The following OR6A2 variants were observed in gnomAD, a reference collection of about 807,000 sequenced individuals.
The protein encoded by OR6A2 is olfactory receptor 6A2.
In OR6A2, 6 loss-of-function variants were observed where a neutral mutation model predicts 7.1. That is an observed-to-expected ratio of 0.85 (90% confidence interval 0.46 to 1.68). The LOEUF (loss-of-function observed/expected upper bound fraction) is 1.68. Ranked by LOEUF, OR6A2 falls within the 40% of genes most tolerant of loss-of-function variation. OR6A2 has a pLI of 0.01. For missense variants in OR6A2, 431 were observed against 398.0 expected (o/e 1.08, Z -0.71); for synonymous variants, 162 against 152.1 (o/e 1.06, Z -0.48).
Position 6,795,566 on chromosome 11 carries a change from A to G in OR6A2, c.143T>C (p.Met48Thr), listed in dbSNP as rs200133002. 6.8e-6 allele frequency: 11 copies of G among 1,614,120 alleles called. No homozygotes were observed. The highest frequency in any genetic ancestry group is 1.7e-5 in the Admixed American group (1 of 60,000). Residue 48 changes from methionine to threonine, a missense_variant, in exon 2 of 2, where the codon ATG (methionine) becomes ACG (threonine). Physicochemically the swap from Met to Thr is moderately conservative, Grantham distance 81. Coordinates refer to ENST00000641196, the MANE Select transcript of OR6A2 (RefSeq NM_003696.3). The part of the protein sequence containing the change: ...LVLTENTLII[M>T]AIRNHSTLHK... ...GAGGGTAGAATGGTTCCTAATTGCC[A>G]TAATGATGAGTGTGTTCTCAGTCAG... is the stretch of plus-strand genomic sequence containing the variant.
At chr11:6,798,542 G>C (rs1376974602) in intron 1 of OR6A2, among the ~76,000 whole-genome samples, 4 of 152,100 alleles carry the variant, frequency 2.6e-5, no homozygotes, top group African/African-American at 9.7e-5. Flanking sequence ...CTTGTTTTCA[G>C]AGTCATATTT....
In OR6A2 at chr11:6,793,172, A is replaced by T. The variant is rs1312193787; in HGVS notation, c.*1553T>A. On this transcript the variant is annotated 3_prime_UTR_variant, in exon 2 of 2. Coordinates refer to ENST00000641196, the MANE Select transcript of OR6A2 (RefSeq NM_003696.3). The stretch of plus-strand genomic sequence containing the variant: ...CGACAGTAGATTTTTGATGAACTTT[A>T]TATCCAGTCATTTAAAAAATTATTA... 4 of 152,196 alleles carry T rather than the reference A, an allele frequency of 2.6e-5. No homozygotes were observed. The East Asian group carries it at 7.7e-4, about 29-fold the overall frequency. 9.4% of individuals were successfully genotyped at this position (152,196 alleles called of 1,614,324 possible). A position where few individuals can be genotyped will look rare whatever the true frequency, so the allele number is the denominator to read the frequency against.
rs1400026538 is a variant in OR6A2, at chr11:6,794,730, C to T, written c.979G>A (p.Val327Ile). Residue 327 changes from valine (V) to isoleucine (I), a missense_variant, in exon 2 of 2, where the codon GTA becomes ATA. Transcript: ENST00000641196. The part of the protein sequence containing the change: ...DPDPKKASRN[V>I] ...TCAGATTTCACACATCCCTTCTATA[C>T]ATTTCTGCTAGCTTTCTTGGGGTCA... 2 of 1,613,494 alleles carry T rather than the reference C, an allele frequency of 1.2e-6. No homozygotes were observed. The highest frequency in any genetic ancestry group is 1.1e-5 in the South Asian group (1 of 91,022).
rs971894767 is a variant in OR6A2 at position 6,791,892 on chromosome 11, T to C, written c.*2833A>G. 6.6e-6 allele frequency: 1 copy of C among 152,234 alleles called. No homozygotes were observed. Among genetic ancestry groups the C allele is most frequent in the African/African-American group, 2.4e-5 (1 of 41,468 alleles). 9.4% of individuals were successfully genotyped at this position (152,234 alleles called of 1,614,324 possible). On this transcript the variant is annotated 3_prime_UTR_variant, in exon 2 of 2. Coordinates refer to ENST00000641196, the MANE Select transcript of OR6A2 (RefSeq NM_003696.3). ...TATATTCATCCTTCATTAGCATACA[T>C]ACTTGTCAAAATAAGAAACCAAAAT...
rs1348738668 is a variant in OR6A2 at position 6,795,208 on chromosome 11, A to G, written c.501T>C (p.Leu167=). The G allele has an allele frequency of 6.2e-6, 10 of 1,614,048 alleles. No homozygotes were observed. The highest frequency in any genetic ancestry group is 8.5e-6 in the Non-Finnish European group (10 of 1,180,024). ...GGCCACAGTAAGAGAGGCCAGAAAT[A>G]AGAAAAACTTTGACCATGGAGATGC... ...GFGISMVKVF[L]ISGLSYCGPN... is the part of the protein sequence containing the mutation. Residue 167 remains leucine (L), a synonymous_variant, in exon 2 of 2, where the codon CTT becomes CTC. Transcript: ENST00000641196.
rs182736602 is a variant in OR6A2 at position 6,799,404 on chromosome 11, T to C, written c.-177+140A>G. On this transcript the variant is annotated intron_variant, in intron 1 of 1. Transcript: ENST00000641196. The stretch of plus-strand genomic sequence containing the variant: ...AGTCTAAGTATCAACAGAATTAATA[T>C]ATGTGGAAAATATTGAGAGGTTTGG... The C allele has an allele frequency of 4.6e-5, 7 of 152,250 alleles. No individual in the cohort carries two copies. In the East Asian group the frequency reaches 1.2e-3, roughly 25 times the overall value. The allele number at this position is 152,250 out of a possible 1,614,324, so 9.4% of individuals were successfully genotyped here. A position where few individuals can be genotyped will look rare whatever the true frequency, so the allele number is the denominator to read the frequency against.
At chr11:6,797,156 C>A (rs893505625) in intron 1 of OR6A2, among the ~76,000 whole-genome samples, 1 of 152,160 alleles carries the variant, frequency 6.6e-6, no homozygotes, top group African/African-American at 2.4e-5. Context: ...ATACCTATGA[C>A]CCTGGCTTTC....
chr11:6,798,800 C>A (rs1291977360), intron 1 of OR6A2, among the ~76,000 whole-genome samples: 2 of 152,076 alleles, frequency 1.3e-5, no homozygotes, highest in Non-Finnish European at 2.9e-5. Flanking sequence ...TAGTTATTAC[C>A]CCTCCAAAAT....
rs546817241 is a variant in OR6A2, at chr11:6,797,168, T to G, written c.-176-1284A>C. Among the ~76,000 whole-genome samples the G allele has an allele frequency of 6.6e-5, 10 of 152,306 alleles. No homozygotes were observed. The East Asian group carries it at 1.9e-3, about 29-fold the overall frequency. On this transcript the variant is annotated intron_variant, in intron 1 of 1. Transcript: ENST00000641196. ...AAAATACCTATGACCCTGGCTTTCA[T>G]TTCCCATCACTCCTATTCTTACCAT...
Position 6,795,331 on chromosome 11 carries a change from A to G in OR6A2, c.378T>C (p.Asp126=). ...GAGGATAGCAGATGGCCATATAGCG[A>G]TCATAGGCCATAACAGCGAGAAGGA... ...ECVLLAVMAY[D]RYMAICYPLH... Residue 126 remains aspartate, a synonymous_variant, in exon 2 of 2, where the codon GAT becomes GAC. Coordinates refer to ENST00000641196, the MANE Select transcript of OR6A2 (RefSeq NM_003696.3). The G allele has an allele frequency of 6.2e-7, 1 of 1,614,078 alleles. No individual in the cohort carries two copies. Among genetic ancestry groups the G allele is most frequent in the Non-Finnish European group, 8.5e-7 (1 of 1,180,016 alleles).
intron 1 of OR6A2, among the ~76,000 whole-genome samples, chr11:6,799,308 T>C (rs1475794548): frequency 1.3e-5 from 2 of 152,134 alleles, no homozygotes; most frequent in Non-Finnish European, 1.5e-5. Flanking sequence ...AAAAATACTG[T>C]AGGGAGAACA....
rs570052551 is a variant in OR6A2 at position 6,799,468 on chromosome 11, T to C, written c.-177+76A>G. 76 of 152,314 alleles carry C rather than the reference T, an allele frequency of 5.0e-4. 1 individual carries two copies. The highest frequency in any genetic ancestry group is 1.8e-3 in the African/African-American group (73 of 41,568). 9.4% of individuals were successfully genotyped at this position (152,314 alleles called of 1,614,324 possible). On this transcript the variant is annotated intron_variant, in intron 1 of 1. Transcript: ENST00000641196. ...ATAGAGAGGAATAAGAAGATGGCTA[T>C]ATTAGACATAAGTAAAGAAAACTTG... is the stretch of plus-strand genomic sequence containing the variant.
chr11:6,796,293 T>C (rs894905114), intron 1 of OR6A2, among the ~76,000 whole-genome samples: 1 of 152,206 alleles, frequency 6.6e-6, no homozygotes, highest in African/African-American at 2.4e-5. Context: ...AACTGAAATA[T>C]AGATTTAAGT....
chr11:6,797,187 T>C (rs1847755385), intron 1 of OR6A2, among the ~76,000 whole-genome samples: 1 of 152,198 alleles, frequency 6.6e-6, no homozygotes, highest in Non-Finnish European at 1.5e-5. Context: ...ACTCCTATTC[T>C]TACCATTCAC....
rs752286032 is a variant in OR6A2 at position 6,794,689 on chromosome 11, G to C, written c.*36C>G. 1.9e-6 allele frequency: 3 copies of C among 1,594,642 alleles called. No homozygotes were observed. Among genetic ancestry groups the C allele is most frequent in the Admixed American group, 3.4e-5 (2 of 58,866 alleles). On this transcript the variant is annotated 3_prime_UTR_variant, in exon 2 of 2. Coordinates refer to ENST00000641196, the MANE Select transcript of OR6A2 (RefSeq NM_003696.3). Reference sequence around the variant, plus strand: ...ACTTCATAGAACACATTGATCCCAAGTTTAATAGCATTTTATCAGATTTCA... The same window carrying C: ...ACTTCATAGAACACATTGATCCCAACTTTAATAGCATTTTATCAGATTTCA...
At chr11:6,796,526 G>A (rs1345377726) in intron 1 of OR6A2, among the ~76,000 whole-genome samples, 2 of 152,140 alleles carry the variant, frequency 1.3e-5, no homozygotes, top group African/African-American at 4.8e-5. Flanking sequence ...CCTGTAGAGT[G>A]GAAGTCTGCA....
Position 6,794,717 on chromosome 11 carries a change from C to A in OR6A2, c.*8G>T, listed in dbSNP as rs552290017. The A allele has an allele frequency of 2.5e-6, 4 of 1,610,026 alleles. No individual in the cohort carries two copies. The South Asian group carries it at 3.3e-5, about 13-fold the overall frequency. ...TAATAGCATTTTATCAGATTTCACA[C>A]ATCCCTTCTATACATTTCTGCTAGC... is the stretch of plus-strand genomic sequence containing the variant. On this transcript the variant is annotated 3_prime_UTR_variant, in exon 2 of 2. Coordinates refer to ENST00000641196, the MANE Select transcript of OR6A2 (RefSeq NM_003696.3).
In OR6A2 at chr11:6,795,185, C is replaced by T; in HGVS notation, c.524G>A (p.Gly175Asp). The T allele has an allele frequency of 1.9e-6, 3 of 1,614,068 alleles. No homozygotes were observed. Among genetic ancestry groups the T allele is most frequent in the Non-Finnish European group, 2.5e-6 (3 of 1,180,002 alleles). ...GAAAAAGTGGTTGATGATGTTGGGG[C>T]CACAGTAAGAGAGGCCAGAAATAAG... is the stretch of plus-strand genomic sequence containing the variant. The part of the protein sequence containing the change: ...VFLISGLSYC[G>D]PNIINHFFCD... The change falls in exon 2 of 2, where the codon GGC (glycine) becomes GAC (aspartate). Residue 175 changes from glycine (G) to aspartate (D), a missense_variant. Gly to Asp is a moderately conservative substitution (Grantham distance 94, BLOSUM62 -1). Coordinates refer to ENST00000641196, the MANE Select transcript of OR6A2 (RefSeq NM_003696.3).
chr11:6,797,365 T>A lies in OR6A2; in HGVS notation c.-176-1481A>T, dbSNP rs558171807. On this transcript the variant is annotated intron_variant, in intron 1 of 1. Transcript: ENST00000641196. Reference sequence around the variant, plus strand: ...CCTTCTCATCCCTGAAAGTTTAAGCTACATGCCTGTCCCAATGCCATACAT... The same window carrying A: ...CCTTCTCATCCCTGAAAGTTTAAGCAACATGCCTGTCCCAATGCCATACAT... Among the ~76,000 whole-genome samples, 3 of 152,360 alleles carry A rather than the reference T, an allele frequency of 2.0e-5. No individual in the cohort carries two copies. In the South Asian group the frequency reaches 6.2e-4, roughly 32 times the overall value.
Sources: allele counts gnomAD v4.1 joint callset (sites outside exome capture counted in the v4.1 genomes callset), GRCh38; gene constraint gnomAD v4.1.1; transcripts MANE v1.5; gene names NCBI Gene and HGNC (gene_info 2026-07-23, HGNC 2026-07-21).